NBEA: variants seen among roughly 807,000 people sequenced by gnomAD.
NBEA encodes the protein lysosomal-trafficking regulator 2.
Under a neutral mutation model 343.4 loss-of-function variants are expected in NBEA, and 44 were observed. The ratio of observed to expected loss-of-function variants is 0.13; its 90% CI spans 0.10 to 0.16. The LOEUF is 0.16. NBEA is among the 10% of genes least tolerant of loss of function. The pLI, the probability that NBEA is intolerant of heterozygous loss-of-function variation, is 1.00. For missense variants in NBEA, 2,555 were observed against 3,631.3 expected, an observed-to-expected ratio of 0.70 and a Z score of 7.62; for synonymous variants, 1,175 against 1,238.7, an observed-to-expected ratio of 0.95 and a Z score of 1.08.
chr13:35,384,469 T>C (rs950511388), intron 38 of NBEA, among the ~76,000 whole-genome samples: 29 of 151,816 alleles, frequency 1.9e-4, no homozygotes, highest in African/African-American at 6.0e-4. Flanking sequence ...TAGGCTTTTC[T>C]ACAAAGCAGT....
chr13:35,456,282 G>T (rs1316230742), intron 40 of NBEA, among the ~76,000 whole-genome samples: 1 of 151,902 alleles, frequency 6.6e-6, no homozygotes, highest in African/African-American at 2.4e-5. Context: ...TTCCCAAGCT[G>T]TTCGTCTCAA....
chr13:34,957,982 A>T (rs1308353490), intron 1 of NBEA, among the ~76,000 whole-genome samples: 6 of 152,024 alleles, frequency 3.9e-5, no homozygotes, highest in Admixed American at 2.0e-4. Flanking sequence ...GTGGCTTTTG[A>T]GAATTGAGTG....
In NBEA at chr13:35,223,663, T is replaced by C. The variant is rs528168688; in HGVS notation, c.5649-8829T>C. Among the ~76,000 whole-genome samples the C allele has an allele frequency of 2.6e-5, 4 of 152,344 alleles. No homozygotes were observed. In the East Asian group the frequency reaches 7.7e-4, roughly 29 times the overall value. ...TTCTGGGCTTCTTGTATCTGTAGTTTTATGACTTCATTGTTTTTGGAAAAT... is the reference window on the plus strand; with the variant it reads ...TTCTGGGCTTCTTGTATCTGTAGTTCTATGACTTCATTGTTTTTGGAAAAT... On this transcript the variant is annotated intron_variant, in intron 33 of 58. Coordinates refer to ENST00000379939, the MANE Select transcript of NBEA (RefSeq NM_001385012.1).
At chr13:35,250,455 A>G (rs1460712513) in intron 34 of NBEA, among the ~76,000 whole-genome samples, 19 of 152,196 alleles carry the variant, frequency 1.2e-4, no homozygotes, top group Admixed American at 1.2e-3. Flanking sequence ...TTGCAATCTC[A>G]TAAATGGTTA....
chr13:35,503,341 A>G (rs893503438), intron 41 of NBEA, among the ~76,000 whole-genome samples: 1 of 151,934 alleles, frequency 6.6e-6, no homozygotes, highest in African/African-American at 2.4e-5. Flanking sequence ...ATCTGTCTAC[A>G]TATAGGTAGA....
intron 18 of NBEA, among the ~76,000 whole-genome samples, chr13:35,154,248 G>T (rs2068998836): frequency 6.6e-6 from 1 of 152,074 alleles, no homozygotes; most frequent in Non-Finnish European, 1.5e-5. Context: ...GAAACTTCTG[G>T]ATGTCGTGGT....
chr13:35,020,000 G>A (rs1398960572), intron 1 of NBEA, among the ~76,000 whole-genome samples: 2 of 151,924 alleles, frequency 1.3e-5, no homozygotes, highest in Non-Finnish European at 2.9e-5. Context: ...ATTGGGTTTT[G>A]TATCTTTGTT....
intron 1 of NBEA, among the ~76,000 whole-genome samples, chr13:35,002,436 A>G (rs1024947087): frequency 9.2e-5 from 14 of 152,200 alleles, no homozygotes; most frequent in Non-Finnish European, 2.1e-4. Context: ...ACTGGAGATG[A>G]GGCTATGCTT....
intron 36 of NBEA, among the ~76,000 whole-genome samples, chr13:35,323,721 T>G (rs1489610347): frequency 6.6e-6 from 1 of 151,628 alleles, no homozygotes; most frequent in Non-Finnish European, 1.5e-5. Context: ...TAATAATAAA[T>G]AAATAAATAA....
intron 1 of NBEA, among the ~76,000 whole-genome samples, chr13:34,982,204 C>T (rs897454738): frequency 6.6e-6 from 1 of 152,094 alleles, no homozygotes. Flanking sequence ...TTCCTCTAGG[C>T]ACTGCTTTAG....
chr13:35,019,608 G>A (rs2061765963), intron 1 of NBEA, among the ~76,000 whole-genome samples: 1 of 152,144 alleles, frequency 6.6e-6, no homozygotes, highest in African/African-American at 2.4e-5. Context: ...ACGAGTGATT[G>A]ATAGAATTCA....
At chr13:35,216,348 C>G (rs1331334459) in intron 33 of NBEA, among the ~76,000 whole-genome samples, 1 of 151,888 alleles carries the variant, frequency 6.6e-6, no homozygotes, top group Non-Finnish European at 1.5e-5. Context: ...CAGCCACACT[C>G]ATTTGCTTAT....
chr13:35,494,395 T>G (rs1054999789), intron 41 of NBEA, among the ~76,000 whole-genome samples: 4 of 151,956 alleles, frequency 2.6e-5, no homozygotes, highest in African/African-American at 9.7e-5. Context: ...AGATCTAAAT[T>G]TTTGAAAAAT....
intron 1 of NBEA, among the ~76,000 whole-genome samples, chr13:34,944,852 G>A (rs2059140896): frequency 6.6e-6 from 1 of 152,090 alleles, no homozygotes; most frequent in African/African-American, 2.4e-5. Flanking sequence ...CCTGGTAAGA[G>A]GCAGTAGAGC....
intron 18 of NBEA, among the ~76,000 whole-genome samples, chr13:35,151,867 C>T (rs2068812155): frequency 6.6e-6 from 1 of 152,064 alleles, no homozygotes; most frequent in Non-Finnish European, 1.5e-5. Context: ...TACTCCATCT[C>T]TAAATTATGA....
chr13:35,585,619 C>T (rs971173311), intron 46 of NBEA, among the ~76,000 whole-genome samples: 1 of 151,896 alleles, frequency 6.6e-6, no homozygotes. Context: ...TCTTTGCAAA[C>T]ATTTCTCATG....
chr13:35,352,133 T>C (rs576264118), intron 37 of NBEA, 24 bp from the exon 38 acceptor site: 1 of 1,369,268 alleles, frequency 7.3e-7, no homozygotes, highest in East Asian at 2.8e-5. Flanking sequence ...TTTATTATTA[T>C]GCATCATTTG....
intron 43 of NBEA, among the ~76,000 whole-genome samples, chr13:35,552,686 G>A (rs2079388292): frequency 1.3e-5 from 2 of 151,970 alleles, no homozygotes; most frequent in South Asian, 4.2e-4. Context: ...CTGTCTTCTG[G>A]CATATTTCTC....
At chr13:35,036,935 C>G (rs911226436) in intron 1 of NBEA, among the ~76,000 whole-genome samples, 2 of 152,022 alleles carry the variant, frequency 1.3e-5, no homozygotes. Context: ...TGGATGTTTT[C>G]TCTAGGTTTG....
Sources: gnomAD v4.1 joint callset for allele counts (sites outside exome capture counted in the v4.1 genomes callset) on GRCh38, gnomAD v4.1.1 for gene constraint, MANE v1.5 for transcripts, NCBI Gene and HGNC (gene_info 2026-07-23, HGNC 2026-07-21) for gene names.